Variants in CDYL2 observed in about 807,000 individuals in gnomAD.
CDYL2 encodes chromodomain Y like 2.
Under a neutral mutation model 49.4 loss-of-function variants are expected in CDYL2, and 23 were observed. The ratio of observed to expected loss-of-function variants is 0.47; its 90% CI spans 0.34 to 0.66. The LOEUF is 0.66. Ranked by LOEUF, CDYL2 falls within the 30% of genes least tolerant of loss-of-function variation. The pLI is 0.01. For synonymous variants in CDYL2, 360 were observed against 268.8 expected (o/e 1.34, Z -3.32); for missense variants, 678 against 656.4 (o/e 1.03, Z -0.36).
rs2142348144 is a variant in CDYL2 at position 80,600,055 on chromosome 16, A to G, written c.*4333T>C. 6.6e-6 allele frequency: 1 copy of G among 152,304 alleles called. No individual in the cohort carries two copies. The highest frequency in any genetic ancestry group is 2.4e-5 in the African/African-American group (1 of 41,584). The allele number at this position is 152,304 out of a possible 1,614,324, so 9.4% of individuals were successfully genotyped here. Reference sequence around the variant, plus strand: ...TAAGGCTCTGTTCACAAACTCCATCAACTGCCACACAGTGAGAATTTACGG... The same window carrying G: ...TAAGGCTCTGTTCACAAACTCCATCGACTGCCACACAGTGAGAATTTACGG... On this transcript the variant is annotated 3_prime_UTR_variant, in exon 7 of 7. Coordinates refer to ENST00000570137, the MANE Select transcript of CDYL2 (RefSeq NM_152342.4).
chr16:80,771,049 C>T (rs1251456448), intron 1 of CDYL2, among the ~76,000 whole-genome samples: 1 of 152,210 alleles, frequency 6.6e-6, no homozygotes, highest in Non-Finnish European at 1.5e-5. Flanking sequence ...GTAACCCAAA[C>T]TCATAAAGAC....
intron 1 of CDYL2, among the ~76,000 whole-genome samples, chr16:80,803,354 GC>G (rs1907984476): frequency 6.6e-6 from 1 of 152,156 alleles, no homozygotes; most frequent in African/African-American, 2.4e-5. Context: ...AGAGTACTGG[GC>G]GCTGGGCTGG....
intron 1 of CDYL2, among the ~76,000 whole-genome samples, chr16:80,739,716 G>C (rs967197175): frequency 1.3e-5 from 2 of 152,080 alleles, no homozygotes; most frequent in African/African-American, 4.8e-5. Flanking sequence ...GCTCAGGTGT[G>C]GGAGGTGGGA....
chr16:80,672,318 TACACACACACACACACAC>T (rs68135845), intron 2 of CDYL2, among the ~76,000 whole-genome samples: 3 of 126,864 alleles, frequency 2.4e-5, no homozygotes, highest in South Asian at 5.8e-4. Context: ...TACAAAATGT[TACACACACACACACACAC>T]ACACACACAC....
chr16:80,611,991 C>T (rs1906618968), intron 5 of CDYL2, among the ~76,000 whole-genome samples: 1 of 152,242 alleles, frequency 6.6e-6, no homozygotes, highest in Non-Finnish European at 1.5e-5. Flanking sequence ...CAATCGTTTC[C>T]ACATGGGGTG....
At chr16:80,765,298 C>A (rs1906682190) in intron 1 of CDYL2, among the ~76,000 whole-genome samples, 1 of 151,378 alleles carries the variant, frequency 6.6e-6, no homozygotes, top group Non-Finnish European at 1.5e-5. Context: ...TATTCAATCT[C>A]TGGATGACAG....
At chr16:80,726,969 C>T (rs1284531831) in intron 1 of CDYL2, among the ~76,000 whole-genome samples, 1 of 152,120 alleles carries the variant, frequency 6.6e-6, no homozygotes, top group Non-Finnish European at 1.5e-5. Context: ...GCCTATAGTC[C>T]CAGCTACCCA....
chr16:80,753,675 T>A (rs967198193), intron 1 of CDYL2, among the ~76,000 whole-genome samples: 1 of 152,048 alleles, frequency 6.6e-6, no homozygotes, highest in Non-Finnish European at 1.5e-5. Flanking sequence ...AAACAATAAA[T>A]CTTCCAGAAG....
At chr16:80,659,546 C>T (rs1308480170) in intron 2 of CDYL2, among the ~76,000 whole-genome samples, 2 of 151,548 alleles carry the variant, frequency 1.3e-5, no homozygotes, top group African/African-American at 4.9e-5. Flanking sequence ...AATGTATAGT[C>T]TACACTCAGA....
At chr16:80,669,945 G>A (rs1465708254) in intron 2 of CDYL2, among the ~76,000 whole-genome samples, 2 of 152,210 alleles carry the variant, frequency 1.3e-5, no homozygotes, top group African/African-American at 4.8e-5. Context: ...ACTCGGTCCT[G>A]TGAGGCCACC....
At chr16:80,720,261 C>G (rs1904954066) in intron 1 of CDYL2, among the ~76,000 whole-genome samples, 1 of 152,126 alleles carries the variant, frequency 6.6e-6, no homozygotes, top group Non-Finnish European at 1.5e-5. Flanking sequence ...CGTGCTGAAT[C>G]CTGGAAAGCA....
At chr16:80,747,854 C>A (rs1281530699) in intron 1 of CDYL2, among the ~76,000 whole-genome samples, 8 of 152,120 alleles carry the variant, frequency 5.3e-5, no homozygotes, top group African/African-American at 1.9e-4. Context: ...TGGAACCCTT[C>A]CTACCTCTGC....
At chr16:80,628,984 C>T (rs9930172) in intron 3 of CDYL2, among the ~76,000 whole-genome samples, 15,648 of 152,064 alleles carry the variant, frequency 0.1, 2,561 homozygotes, top group African/African-American at 0.35. Context: ...AAGAAAGGCC[C>T]GTTCCAGTCA....
intron 5 of CDYL2, 54 bp from the exon 6 acceptor site, chr16:80,608,289 C>G (rs1168256050): frequency 2.7e-6 from 4 of 1,495,856 alleles, no homozygotes; most frequent in Non-Finnish European, 3.6e-6. Flanking sequence ...ACCCATGTCC[C>G]TCAGCTGGTC....
chr16:80,655,700 C>T (rs992271244), intron 2 of CDYL2, among the ~76,000 whole-genome samples: 2 of 152,176 alleles, frequency 1.3e-5, no homozygotes, highest in African/African-American at 2.4e-5. Context: ...AGATGCAACA[C>T]CTCTGAGCCA....
chr16:80,771,817 G>A (rs934436753), intron 1 of CDYL2, among the ~76,000 whole-genome samples: 1 of 151,752 alleles, frequency 6.6e-6, no homozygotes, highest in South Asian at 2.1e-4. Context: ...CAGAGAAAGA[G>A]TTTTAAGACA....
chr16:80,701,460 A>C (rs868638080), intron 1 of CDYL2, among the ~76,000 whole-genome samples: 5 of 152,222 alleles, frequency 3.3e-5, no homozygotes, highest in African/African-American at 1.2e-4. Context: ...AAAATCAATA[A>C]AAATATTTTT....
At chr16:80,726,989 T>A (rs557081276) in intron 1 of CDYL2, among the ~76,000 whole-genome samples, 20 of 152,214 alleles carry the variant, frequency 1.3e-4, no homozygotes, top group African/African-American at 4.6e-4. Flanking sequence ...AAGAGACTGA[T>A]GTGGGAGGAT....
At chr16:80,632,119 C>T (rs965001049) in intron 3 of CDYL2, among the ~76,000 whole-genome samples, 5 of 152,088 alleles carry the variant, frequency 3.3e-5, no homozygotes, top group Non-Finnish European at 7.4e-5. Flanking sequence ...TTGTATATAA[C>T]ATTTGTAGAA....
Sources: gnomAD v4.1 joint callset for allele counts (sites outside exome capture counted in the v4.1 genomes callset) on GRCh38, gnomAD v4.1.1 for gene constraint, MANE v1.5 for transcripts, NCBI Gene and HGNC (gene_info 2026-07-23, HGNC 2026-07-21) for gene names.